PDGFB: variants seen among roughly 807,000 people sequenced by gnomAD.
The protein encoded by PDGFB is platelet-derived growth factor subunit B.
A neutral mutation model predicts 29.0 loss-of-function variants in PDGFB; 6 were observed. The observed-to-expected ratio is 0.21, with a 90% CI of 0.11 to 0.41. The LOEUF (loss-of-function observed/expected upper bound fraction) is 0.41, where lower values mean the gene tolerates loss of function less well. Among genes scored for constraint, PDGFB ranks in the 10% least tolerant of loss-of-function variants. The pLI is 1.00. For missense variants in PDGFB, 299 were observed against 341.8 expected, an observed-to-expected ratio of 0.87 and a Z score of 0.99; for synonymous variants, 144 against 140.8, an observed-to-expected ratio of 1.02 and a Z score of -0.16.
At chr22:39,239,394 G>A (rs1005179294) in intron 1 of PDGFB, among the ~76,000 whole-genome samples, 1 of 152,016 alleles carries the variant, frequency 6.6e-6, no homozygotes, top group Non-Finnish European at 1.5e-5. Flanking sequence ...AGGCCCTTCC[G>A]GGGCTGGGGG....
intron 5 of PDGFB, among the ~76,000 whole-genome samples, chr22:39,227,376 G>A (rs148746516): frequency 2.0e-5 from 3 of 152,362 alleles, no homozygotes; most frequent in African/African-American, 7.2e-5. Context: ...TTACAGGCGT[G>A]AGCCACCACG....
At position 39,244,230 on chromosome 22, in the gene PDGFB, G is replaced by A. The variant is rs1255110925; in HGVS notation, c.-267C>T. Reference sequence around the variant, plus strand: ...ACCTGGGCGGATCCCGAGCCCGAGTGAGCATCCACGGCCGGGGGGCTGCGT... The same window carrying A: ...ACCTGGGCGGATCCCGAGCCCGAGTAAGCATCCACGGCCGGGGGGCTGCGT... On this transcript the variant is annotated 5_prime_UTR_variant, in exon 1 of 7. Transcript: ENST00000331163. This position sits in a 1 kb window ranked among gnomAD's most constrained non-coding sequence, Gnocchi z 4.5. 2 of 249,594 alleles carry A rather than the reference G, an allele frequency of 8.0e-6. No homozygotes were observed. The highest frequency in any genetic ancestry group is 7.7e-6 in the Non-Finnish European group (1 of 130,418). The allele number at this position is 249,594 out of a possible 1,614,324, so 15.5% of individuals were successfully genotyped here. A position where few individuals can be genotyped will look rare whatever the true frequency, so the allele number is the denominator to read the frequency against.
intron 1 of PDGFB, among the ~76,000 whole-genome samples, chr22:39,237,812 T>G (rs189821645): frequency 3.3e-5 from 5 of 152,334 alleles, no homozygotes; most frequent in African/African-American, 9.6e-5. Flanking sequence ...GTCCTGGCTC[T>G]CATCTGTGAA....
chr22:39,234,923 A>G lies in PDGFB; in HGVS notation c.160+855T>C, dbSNP rs1932404831. 2.6e-5 allele frequency among the ~76,000 whole-genome samples: 4 copies of G among 152,022 alleles called. No individual in the cohort carries two copies. The South Asian group carries it at 8.3e-4, about 32-fold the overall frequency. ...TGTGGCCAGGGGCGGCCAGTCGGGC[A>G]TAGGGTGGGGGTTGTGGGAGACATC... On this transcript the variant is annotated intron_variant, in intron 2 of 6. Transcript: ENST00000331163.
In PDGFB at chr22:39,231,060, T is replaced by C. The variant is rs1025969951; in HGVS notation, c.456+562A>G. Among the ~76,000 whole-genome samples, 1 of 152,230 alleles carries C rather than the reference T, an allele frequency of 6.6e-6. No individual in the cohort carries two copies. Among genetic ancestry groups the C allele is most frequent in the Admixed American group, 6.5e-5 (1 of 15,284 alleles). On this transcript the variant is annotated intron_variant, in intron 4 of 6. Coordinates refer to ENST00000331163, the MANE Select transcript of PDGFB (RefSeq NM_002608.4). This position sits in a 1 kb window ranked among gnomAD's most constrained non-coding sequence, Gnocchi z 4.3. ...AAAAGCAGGATCAGCATTCCACTGT[T>C]GTCAGGGGACCTGCCCCAGCTCCGC...
At chr22:39,233,146 C>G (rs1932351742) in intron 3 of PDGFB, among the ~76,000 whole-genome samples, 1 of 152,190 alleles carries the variant, frequency 6.6e-6, no homozygotes, top group Non-Finnish European at 1.5e-5. Flanking sequence ...CAGTTTCCAA[C>G]TCTGTGAAAT....
Position 39,225,699 on chromosome 22 carries a change from C to T in PDGFB, c.*24G>A, listed in dbSNP as rs1214311156. On this transcript the variant is annotated 3_prime_UTR_variant, in exon 6 of 7. Transcript: ENST00000331163. ...GTTGCCCCGCCTGGCCCTCACCTGC[C>T]CACACACTCTCCTGCCGATGCCCCT... The T allele has an allele frequency of 6.2e-7, 1 of 1,610,298 alleles. No individual in the cohort carries two copies. Among genetic ancestry groups the T allele is most frequent in the Non-Finnish European group, 8.5e-7 (1 of 1,177,822 alleles).
At chr22:39,230,877 G>C (rs971312002) in intron 4 of PDGFB, among the ~76,000 whole-genome samples, 1 of 152,254 alleles carries the variant, frequency 6.6e-6, no homozygotes, top group Non-Finnish European at 1.5e-5. Flanking sequence ...CTGTGGGCGA[G>C]GCTGGCCTGG....
At chr22:39,225,413 C>G (rs1440049326) in intron 6 of PDGFB, 100 bp from the exon 7 acceptor site, 6 of 260,632 alleles carry the variant, frequency 2.3e-5, no homozygotes, top group Non-Finnish European at 3.7e-5. Flanking sequence ...CTGGGGTCAA[C>G]TAGCCACCCC....
At chr22:39,230,310 C>T in intron 4 of PDGFB, 82 bp from the exon 5 acceptor site, 1 of 1,367,834 alleles carries the variant, frequency 7.3e-7, no homozygotes, top group South Asian at 1.2e-5. Context: ...GCGCTTCCCA[C>T]CCCGGTGTCC....
chr22:39,233,673 GGCC>G, intron 2 of PDGFB, 149 bp from the exon 3 acceptor site: 1 of 551,106 alleles, frequency 1.8e-6, no homozygotes, highest in Non-Finnish European at 3.1e-6. Flanking sequence ...CACGGGTCCT[GGCC>G]CTGAGCAGGG....
chr22:39,224,282 A>G lies in PDGFB; in HGVS notation c.*1060T>C, dbSNP rs1932112264. Reference sequence around the variant, plus strand: ...TACATCTGCCAGAAATTGTCATAATAAATATACAAATCAGCTTTATCTATG... The same window carrying G: ...TACATCTGCCAGAAATTGTCATAATGAATATACAAATCAGCTTTATCTATG... On this transcript the variant is annotated 3_prime_UTR_variant, in exon 7 of 7. Transcript: ENST00000331163. The G allele has an allele frequency of 6.6e-6, 1 of 152,192 alleles. No homozygotes were observed. The highest frequency in any genetic ancestry group is 6.5e-5 in the Admixed American group (1 of 15,288). 9.4% of individuals were successfully genotyped at this position (152,192 alleles called of 1,614,324 possible). A position where few individuals can be genotyped will look rare whatever the true frequency, so the allele number is the denominator to read the frequency against.
In PDGFB at chr22:39,243,976, C is replaced by T. The variant is rs745823101; in HGVS notation, c.-13G>A. The T allele has an allele frequency of 1.1e-5, 18 of 1,587,036 alleles. No individual in the cohort carries two copies. The South Asian group carries it at 2.1e-4, about 18-fold the overall frequency. On this transcript the variant is annotated 5_prime_UTR_variant, in exon 1 of 7. Coordinates refer to ENST00000331163, the MANE Select transcript of PDGFB (RefSeq NM_002608.4). The surrounding 1 kb of genome is among the most constrained non-coding windows in gnomAD (Gnocchi z 6.4). Reference sequence around the variant, plus strand: ...AGCAGCGATTCATGCCGACTCCGGGCCCGGCCCCGCGGGGCCCCGGACGCG... The same window carrying T: ...AGCAGCGATTCATGCCGACTCCGGGTCCGGCCCCGCGGGGCCCCGGACGCG...
intron 5 of PDGFB, among the ~76,000 whole-genome samples, chr22:39,229,314 G>A (rs925533493): frequency 6.6e-6 from 1 of 152,112 alleles, no homozygotes; most frequent in Non-Finnish European, 1.5e-5. Context: ...AGCCTCCTAA[G>A]TAGCTGAGAC....
At chr22:39,233,574 G>A (rs1932366423) in intron 2 of PDGFB, 50 bp from the exon 3 acceptor site, 1 of 1,357,966 alleles carries the variant, frequency 7.4e-7, no homozygotes, top group Admixed American at 2.2e-5. Flanking sequence ...CTTGGGCAGG[G>A]GCTCCCTCCG....
intron 5 of PDGFB, among the ~76,000 whole-genome samples, chr22:39,228,659 C>A (rs1932223119): frequency 6.6e-6 from 1 of 152,168 alleles, no homozygotes; most frequent in East Asian, 1.9e-4. Context: ...GAGGCCGAGG[C>A]AGGTGGATCA....
At chr22:39,239,033 A>C (rs1027623888) in intron 1 of PDGFB, among the ~76,000 whole-genome samples, 2 of 152,264 alleles carry the variant, frequency 1.3e-5, no homozygotes, top group African/African-American at 4.8e-5. Flanking sequence ...GAATCTTGTC[A>C]CAATCTAAAA....
intron 5 of PDGFB, among the ~76,000 whole-genome samples, chr22:39,226,692 T>G (rs141181032): frequency 6.6e-6 from 1 of 152,218 alleles, no homozygotes; most frequent in Non-Finnish European, 1.5e-5. Context: ...TATTGAGGTT[T>G]CCTCCCAACC....
intron 5 of PDGFB, 35 bp from the exon 6 acceptor site, chr22:39,225,882 G>T: frequency 6.3e-7 from 1 of 1,590,764 alleles, no homozygotes; most frequent in South Asian, 1.1e-5. Flanking sequence ...GTCAGCATGT[G>T]GACCATTGGG....
Sources: allele counts gnomAD v4.1 joint callset (sites outside exome capture counted in the v4.1 genomes callset), GRCh38; gene constraint gnomAD v4.1.1; non-coding constraint Gnocchi (gnomAD v3.1); transcripts MANE v1.5; gene names NCBI Gene and HGNC (gene_info 2026-07-23, HGNC 2026-07-21).